Variants in EXD1 observed in about 807,000 individuals in gnomAD.
EXD1 encodes the protein exonuclease 3'-5' domain containing 1.
Under a neutral mutation model 49.1 loss-of-function variants are expected in EXD1, and 63 were observed. That is an observed-to-expected ratio of 1.28 (90% CI 1.05 to 1.58). The LOEUF (loss-of-function observed/expected upper bound fraction) is 1.58. Ranked by LOEUF, EXD1 falls within the 40% of genes most tolerant of loss-of-function variation. EXD1 has a pLI of 0.00. For synonymous variants in EXD1, 234 were observed against 239.2 expected (o/e 0.98, Z 0.20); for missense variants, 748 against 666.0 (o/e 1.12, Z -1.36).
At chr15:41,199,436 A>T (rs1420367342) in intron 7 of EXD1, among the ~76,000 whole-genome samples, 1 of 149,022 alleles carries the variant, frequency 6.7e-6, no homozygotes, top group Non-Finnish European at 1.5e-5. Context: ...AAAAAAAAAC[A>T]CAAAAGGCCT....
intron 7 of EXD1, among the ~76,000 whole-genome samples, chr15:41,204,534 G>C (rs1205393890): frequency 6.6e-6 from 1 of 152,028 alleles, no homozygotes; most frequent in Non-Finnish European, 1.5e-5. Context: ...CTTGGCAACA[G>C]AGCAAGATTC....
At chr15:41,199,747 T>TATATCATATATGTGATATATAATATATCA (rs558589077) in intron 7 of EXD1, among the ~76,000 whole-genome samples, 3 of 99,760 alleles carry the variant, frequency 3.0e-5, no homozygotes, top group African/African-American at 1.2e-4. Context: ...ATGTCATATA[T>TATATCATATATGTGATATATAATATATCA]TATATATGAT....
At chr15:41,193,755 A>C (rs1353486448) in intron 9 of EXD1, among the ~76,000 whole-genome samples, 2 of 151,780 alleles carry the variant, frequency 1.3e-5, no homozygotes, top group Non-Finnish European at 2.9e-5. Flanking sequence ...CAAAAAAAAA[A>C]AATTACTTTT....
Position 41,183,865 on chromosome 15 carries a change from T to G in EXD1, c.*66A>C. On this transcript the variant is annotated 3_prime_UTR_variant, in exon 12 of 12. Transcript: ENST00000458580. ...TTTACAACATGAGAAACCTGGGCAC[T>G]GTGGAAAGCCCTGATGGCAAAGGAA... The G allele has an allele frequency of 6.8e-7, 1 of 1,472,576 alleles. No homozygotes were observed. The highest frequency in any genetic ancestry group is 1.4e-5 in the South Asian group (1 of 72,240). 91.2% of individuals were successfully genotyped at this position (1,472,576 alleles called of 1,614,324 possible).
chr15:41,189,122 C>T (rs1221843217), intron 11 of EXD1, among the ~76,000 whole-genome samples: 1 of 152,058 alleles, frequency 6.6e-6, no homozygotes, highest in East Asian at 1.9e-4. Flanking sequence ...AATCCCAGCA[C>T]TTTGAGAGGC....
At chr15:41,225,485 T>C (rs1457178226) in intron 2 of EXD1, among the ~76,000 whole-genome samples, 1 of 151,424 alleles carries the variant, frequency 6.6e-6, no homozygotes, top group African/African-American at 2.4e-5. Flanking sequence ...CTTGGGAGGC[T>C]GAGGCAGGAG....
intron 3 of EXD1, among the ~76,000 whole-genome samples, chr15:41,217,823 C>A (rs2047024631): frequency 6.6e-6 from 1 of 152,102 alleles, no homozygotes; most frequent in East Asian, 1.9e-4. Flanking sequence ...CGTGAGCCAC[C>A]ACATCTGGCC....
chr15:41,189,983 A>G lies in EXD1; in HGVS notation c.1010T>C (p.Leu337Pro). 6.2e-7 allele frequency: 1 copy of G among 1,614,128 alleles called. No individual in the cohort carries two copies. The highest frequency in any genetic ancestry group is 1.7e-5 in the Admixed American group (1 of 60,006). The change falls in exon 11 of 12, where the codon CTA (leucine) becomes CCA (proline). Residue 337 changes from leucine (L) to proline (P), a missense_variant. Physicochemically the swap from Leu to Pro is moderately conservative, Grantham distance 98. Transcript: ENST00000458580. Reference protein sequence around the residue: ...SDLTTLVDGYLNTYREGSADR... With the variant: ...SDLTTLVDGYPNTYREGSADR... ...TGCAGACCCTTCGCGATACGTGTTT[A>G]GGTAACCATCCACCAGGGTGGTTAG...
intron 7 of EXD1, among the ~76,000 whole-genome samples, chr15:41,200,910 T>C (rs1377443449): frequency 6.6e-6 from 1 of 151,804 alleles, no homozygotes; most frequent in Admixed American, 6.6e-5. Flanking sequence ...AGTCTTGCTC[T>C]GTCGCCAGGC....
chr15:41,229,012 A>T (rs955172203), intron 1 of EXD1, among the ~76,000 whole-genome samples: 12 of 152,362 alleles, frequency 7.9e-5, no homozygotes, highest in African/African-American at 2.9e-4. Flanking sequence ...GATGGGCTTC[A>T]AGGCTGACTG....
chr15:41,213,056 A>T (rs1015315638), intron 6 of EXD1, among the ~76,000 whole-genome samples: 3 of 152,024 alleles, frequency 2.0e-5, no homozygotes, highest in African/African-American at 7.2e-5. Flanking sequence ...AATTTTTTTT[A>T]ATTTATAAGG....
At chr15:41,208,027 A>G (rs972027747) in intron 7 of EXD1, among the ~76,000 whole-genome samples, 2 of 151,170 alleles carry the variant, frequency 1.3e-5, no homozygotes, top group African/African-American at 2.4e-5. Context: ...AAAAAAAAAG[A>G]AAGAGAGAAA....
At chr15:41,225,915 AAAAAC>A (rs1342624058) in intron 2 of EXD1, among the ~76,000 whole-genome samples, 4 of 110,218 alleles carry the variant, frequency 3.6e-5, no homozygotes, top group East Asian at 3.1e-4. Flanking sequence ...ACAAAACAAA[AAAAAC>A]CTTTTTATAT....
chr15:41,192,793 T>TC (rs1222234540), intron 9 of EXD1, among the ~76,000 whole-genome samples: 2 of 43,624 alleles, frequency 4.6e-5, no homozygotes, highest in Non-Finnish European at 1.4e-4. Context: ...TCTTAAGATT[T>TC]TTTTTTTTTT....
intron 7 of EXD1, among the ~76,000 whole-genome samples, chr15:41,205,695 A>C (rs2046811099): frequency 1.4e-5 from 2 of 142,700 alleles, no homozygotes; most frequent in Admixed American, 1.4e-4. Flanking sequence ...CCGTCTCAAA[A>C]AAGTAAGGAA....
At chr15:41,192,790 A>ATTTTT (rs57676752) in intron 9 of EXD1, among the ~76,000 whole-genome samples, 1 of 74,748 alleles carries the variant, frequency 1.3e-5, no homozygotes, top group South Asian at 4.8e-4. Flanking sequence ...TATTCTTAAG[A>ATTTTT]TTTTTTTTTT....
chr15:41,192,972 A>G (rs1255788448), intron 9 of EXD1, among the ~76,000 whole-genome samples: 2 of 151,288 alleles, frequency 1.3e-5, no homozygotes, highest in Admixed American at 6.6e-5. Context: ...AATTTTTTGT[A>G]TTTTTAGTAC....
At chr15:41,186,000 A>C (rs1489721428) in intron 11 of EXD1, among the ~76,000 whole-genome samples, 1 of 152,078 alleles carries the variant, frequency 6.6e-6, no homozygotes, top group Non-Finnish European at 1.5e-5. Context: ...CAATTTCCAT[A>C]GCTCATATTT....
At position 41,183,701 on chromosome 15, in the gene EXD1, G is replaced by C; in HGVS notation, c.*230C>G. 1 of 415,948 alleles carries C rather than the reference G, an allele frequency of 2.4e-6. No individual in the cohort carries two copies. Among genetic ancestry groups the C allele is most frequent in the Non-Finnish European group, 4.2e-6 (1 of 238,582 alleles). The allele number at this position is 415,948 out of a possible 1,614,324, so 25.8% of individuals were successfully genotyped here. ...AAAAATAATGCACTCTGGTCACTGA[G>C]AACATTTCTACACAGTGACATAATC... On this transcript the variant is annotated 3_prime_UTR_variant, in exon 12 of 12. Transcript: ENST00000458580.
Sources: gnomAD v4.1 joint callset for allele counts (sites outside exome capture counted in the v4.1 genomes callset) on GRCh38, gnomAD v4.1.1 for gene constraint, MANE v1.5 for transcripts, NCBI Gene and HGNC (gene_info 2026-07-23, HGNC 2026-07-21) for gene names.